Variants in MTUS1 observed in about 807,000 individuals in gnomAD.
MTUS1 encodes the protein microtubule associated scaffold protein 1.
In MTUS1, 109 loss-of-function variants were observed where a neutral mutation model predicts 120.8. The ratio of observed to expected loss-of-function variants is 0.90; its 90% CI spans 0.77 to 1.06. The LOEUF is 1.06. Among genes scored for constraint, MTUS1 ranks in the 50% least tolerant of loss-of-function variants. The pLI, the probability that MTUS1 is intolerant of heterozygous loss-of-function variation, is 0.00. For synonymous variants in MTUS1, 737 were observed against 550.5 expected (o/e 1.34, Z -4.74); for missense variants, 2,210 against 1,486.3 (o/e 1.49, Z -8.01).
At chr8:17,780,040 G>C (rs115463072) in intron 1 of MTUS1, among the ~76,000 whole-genome samples, 2 of 152,152 alleles carry the variant, frequency 1.3e-5, no homozygotes, top group East Asian at 1.9e-4. Flanking sequence ...GGCCTGGTGG[G>C]AGATGACTGG....
intron 8 of MTUS1, among the ~76,000 whole-genome samples, chr8:17,657,538 A>C (rs973604112): frequency 6.6e-6 from 1 of 151,146 alleles, no homozygotes; most frequent in African/African-American, 2.4e-5. Context: ...ACTGCACTCC[A>C]GCCTGGGCGA....
intron 1 of MTUS1, among the ~76,000 whole-genome samples, chr8:17,785,806 A>AT (rs2051256165): frequency 6.6e-6 from 1 of 152,114 alleles, no homozygotes; most frequent in Non-Finnish European, 1.5e-5. Flanking sequence ...AGACCAGGAG[A>AT]GAAAGAAATA....
chr8:17,751,593 C>T (rs1164503020), intron 2 of MTUS1, among the ~76,000 whole-genome samples: 1 of 152,072 alleles, frequency 6.6e-6, no homozygotes, highest in Non-Finnish European at 1.5e-5. Flanking sequence ...GGGGCAGTGG[C>T]TCACGCCTGT....
intron 7 of MTUS1, among the ~76,000 whole-genome samples, chr8:17,681,314 C>G (rs1264370022): frequency 6.6e-6 from 1 of 152,110 alleles, no homozygotes; most frequent in Admixed American, 6.5e-5. Flanking sequence ...TGCTGTAAAA[C>G]CGACCTGAAC....
intron 8 of MTUS1, among the ~76,000 whole-genome samples, chr8:17,669,815 A>T (rs1811643017): frequency 6.6e-6 from 1 of 151,932 alleles, no homozygotes; most frequent in African/African-American, 2.4e-5. Flanking sequence ...ACTGCACTCC[A>T]GCATGGGTGA....
At chr8:17,738,969 C>A (rs984492801) in intron 3 of MTUS1, among the ~76,000 whole-genome samples, 2 of 151,060 alleles carry the variant, frequency 1.3e-5, no homozygotes, top group African/African-American at 4.9e-5. Context: ...TGAGACCCCC[C>A]CATCTCTACA....
At chr8:17,733,471 A>G (rs181593595) in intron 3 of MTUS1, among the ~76,000 whole-genome samples, 1 of 152,236 alleles carries the variant, frequency 6.6e-6, no homozygotes, top group East Asian at 1.9e-4. Flanking sequence ...GTTAAAAGCT[A>G]TTTGGTGGTG....
At chr8:17,679,506 TATTTATTTA>T (rs1563188396) in intron 7 of MTUS1, among the ~76,000 whole-genome samples, 162 of 103,898 alleles carry the variant, frequency 1.6e-3, no homozygotes, top group African/African-American at 4.3e-3. Context: ...TTTATTTATT[TATTTATTTA>T]TTTTTTGAGA....
chr8:17,675,052 T>C (rs1345801952), intron 8 of MTUS1, 134 bp downstream of exon 8: 4 of 1,496,154 alleles, frequency 2.7e-6, no homozygotes, highest in South Asian at 2.8e-5. Context: ...TAGTAAGTGT[T>C]TGCCCAGATA....
chr8:17,666,114 T>C (rs200712767), intron 8 of MTUS1, among the ~76,000 whole-genome samples: 8,822 of 85,980 alleles, frequency 0.1, 522 homozygotes, highest in East Asian at 0.34. Context: ...TTTTTTTTTT[T>C]AAATCACAAC....
intron 2 of MTUS1, among the ~76,000 whole-genome samples, chr8:17,744,555 G>A (rs1329000572): frequency 1.3e-5 from 2 of 151,986 alleles, no homozygotes; most frequent in Non-Finnish European, 2.9e-5. Flanking sequence ...TGAGTAGCTG[G>A]GATTACGGGT....
intron 6 of MTUS1, among the ~76,000 whole-genome samples, chr8:17,701,934 T>A (rs533532598): frequency 6.6e-6 from 1 of 152,230 alleles, no homozygotes; most frequent in Admixed American, 6.5e-5. Context: ...AATAAACTTA[T>A]TAAACTTAAA....
intron 6 of MTUS1, among the ~76,000 whole-genome samples, chr8:17,706,420 CT>C (rs1820171347): frequency 1.3e-5 from 2 of 152,094 alleles, no homozygotes; most frequent in Non-Finnish European, 2.9e-5. Flanking sequence ...TCTCCTCCTG[CT>C]TTTCTACATT....
At chr8:17,742,285 GTTGTTGT>G (rs1563302344) in intron 3 of MTUS1, among the ~76,000 whole-genome samples, 2 of 69,506 alleles carry the variant, frequency 2.9e-5, no homozygotes, top group East Asian at 8.2e-4. Flanking sequence ...TTTTTTTGTT[GTTGTTGT>G]TTTTTTTTTT....
chr8:17,736,431 G>A (rs1373905128), intron 3 of MTUS1, among the ~76,000 whole-genome samples: 2 of 152,224 alleles, frequency 1.3e-5, no homozygotes, highest in East Asian at 1.9e-4. Flanking sequence ...GCTGGTCCCT[G>A]TGCCTGGAAA....
intron 2 of MTUS1, among the ~76,000 whole-genome samples, chr8:17,745,234 T>A (rs761541797): frequency 6.6e-6 from 1 of 152,198 alleles, no homozygotes; most frequent in Non-Finnish European, 1.5e-5. Context: ...CAAAAATGAT[T>A]AGTTCCAGGA....
intron 12 of MTUS1, among the ~76,000 whole-genome samples, chr8:17,652,213 A>G (rs2410493): frequency 0.84 from 128,045 of 152,230 alleles, 53,928 homozygotes; most frequent in East Asian, 0.98. Context: ...AGGCTGGGGA[A>G]AAAGGACAAA....
intron 3 of MTUS1, among the ~76,000 whole-genome samples, chr8:17,740,595 T>C (rs528066099): frequency 6.6e-6 from 1 of 152,342 alleles, no homozygotes; most frequent in Non-Finnish European, 1.5e-5. Context: ...ACTGAGAGCA[T>C]CCAAAAAAAT....
rs551443981 is a variant in MTUS1 at position 17,754,675 on chromosome 8, T to C, written c.1133A>G (p.Gln378Arg). 13 of 1,614,234 alleles carry C rather than the reference T, an allele frequency of 8.1e-6. No individual in the cohort carries two copies. The South Asian group carries it at 9.9e-5, about 12-fold the overall frequency. ...CAAATCCTTTCCTTTGGAGACCATT[T>C]GTGTGTCTTCAGTCTCAGTGACTTT... ...EHKVTETEDT[Q>R]MVSKGKDLGT... Residue 378 changes from glutamine to arginine, a missense_variant, in exon 2 of 15, where the codon CAA (glutamine) becomes CGA (arginine). Gln to Arg is a conservative substitution (Grantham distance 43, BLOSUM62 1). Coordinates refer to ENST00000693296, the MANE Select transcript of MTUS1 (RefSeq NM_001363059.2).
Sources: allele counts gnomAD v4.1 joint callset (sites outside exome capture counted in the v4.1 genomes callset), GRCh38; gene constraint gnomAD v4.1.1; transcripts MANE v1.5; gene names NCBI Gene and HGNC (gene_info 2026-07-23, HGNC 2026-07-21).